CTIF: variants seen among roughly 807,000 people sequenced by gnomAD.
The protein encoded by CTIF is CBP80/20-dependent translation initiation factor.
In CTIF, 21 loss-of-function variants were observed where a neutral mutation model predicts 66.0. That is an observed-to-expected ratio of 0.32 (90% CI 0.23 to 0.46). The LOEUF (loss-of-function observed/expected upper bound fraction) is 0.46, where lower values mean the gene tolerates loss of function less well. Among genes scored for constraint, CTIF ranks in the 20% least tolerant of loss-of-function variants. The pLI is 1.00. For synonymous variants in CTIF, 345 were observed against 326.4 expected (o/e 1.06, Z -0.62); for missense variants, 739 against 812.7 (o/e 0.91, Z 1.10).
Position 48,613,474 on chromosome 18 carries a change from G to A in CTIF, c.-28-6064G>A, listed in dbSNP as rs909171595. Among the ~76,000 whole-genome samples, 4 of 152,286 alleles carry A rather than the reference G, an allele frequency of 2.6e-5. No homozygotes were observed. The East Asian group carries it at 5.8e-4, about 22-fold the overall frequency. ...GGATGGGGAGGAAGGGGAGGAAGGC[G>A]AAGGGGAGTTTGTTTGCGTCTAGGG... On this transcript the variant is annotated intron_variant, in intron 1 of 11. Transcript: ENST00000256413.
intron 10 of CTIF, among the ~76,000 whole-genome samples, chr18:48,820,397 C>A (rs2068457868): frequency 6.6e-6 from 1 of 152,174 alleles, no homozygotes; most frequent in South Asian, 2.1e-4. Flanking sequence ...GCTGCAGCCC[C>A]CTCCATGCTG....
intron 9 of CTIF, among the ~76,000 whole-genome samples, chr18:48,804,731 G>T (rs2068109362): frequency 6.6e-6 from 1 of 152,162 alleles, no homozygotes; most frequent in Middle Eastern, 3.2e-3. Flanking sequence ...TGTGTGAGAG[G>T]CAGGGTCCAT....
At chr18:48,555,906 A>C (rs1379947772) in intron 1 of CTIF, among the ~76,000 whole-genome samples, 2 of 152,170 alleles carry the variant, frequency 1.3e-5, no homozygotes, top group Admixed American at 1.3e-4. Flanking sequence ...GCTTTCAGGG[A>C]GCCTTCAGCC....
chr18:48,722,274 G>A (rs140139347), intron 7 of CTIF, among the ~76,000 whole-genome samples: 7 of 147,516 alleles, frequency 4.7e-5, no homozygotes, highest in Non-Finnish European at 8.9e-5. Context: ...GAGTTGCAGT[G>A]GCACAATTAT....
intron 6 of CTIF, among the ~76,000 whole-genome samples, chr18:48,676,933 G>A (rs960663863): frequency 2.0e-5 from 3 of 152,064 alleles, no homozygotes; most frequent in Admixed American, 6.5e-5. Context: ...AATGGTGGCC[G>A]ATAAGGAATG....
chr18:48,773,325 C>T (rs907790637), intron 9 of CTIF, among the ~76,000 whole-genome samples: 7 of 152,220 alleles, frequency 4.6e-5, no homozygotes, highest in African/African-American at 1.2e-4. Context: ...TAGGTAGCCA[C>T]GTGGTCTCTT....
At chr18:48,753,369 T>C (rs930258275) in intron 7 of CTIF, among the ~76,000 whole-genome samples, 1 of 152,166 alleles carries the variant, frequency 6.6e-6, no homozygotes, top group Non-Finnish European at 1.5e-5. Flanking sequence ...CAGAGGGACA[T>C]TTGTCTCCAT....
intron 10 of CTIF, among the ~76,000 whole-genome samples, chr18:48,846,594 GATGA>G (rs1214104492): frequency 4.1e-5 from 6 of 148,108 alleles, no homozygotes; most frequent in African/African-American, 1.5e-4. Flanking sequence ...TGGGTGGGTG[GATGA>G]ATGGATGGAT....
At chr18:48,844,218 G>A (rs1451697136) in intron 10 of CTIF, among the ~76,000 whole-genome samples, 2 of 152,204 alleles carry the variant, frequency 1.3e-5, no homozygotes, top group African/African-American at 4.8e-5. Context: ...GGGGAAGCTG[G>A]GAGGCACTGG....
At position 48,860,164 on chromosome 18, in the gene CTIF, C is replaced by T. The variant is rs1357319370; in HGVS notation, c.*605C>T. The T allele has an allele frequency of 4.7e-5, 17 of 358,806 alleles. No homozygotes were observed. The highest frequency in any genetic ancestry group is 2.0e-4 in the South Asian group (10 of 49,204). 22.2% of individuals were successfully genotyped at this position (358,806 alleles called of 1,614,324 possible). A position where few individuals can be genotyped will look rare whatever the true frequency, so the allele number is the denominator to read the frequency against. On this transcript the variant is annotated 3_prime_UTR_variant, in exon 12 of 12. Coordinates refer to ENST00000256413, the MANE Select transcript of CTIF (RefSeq NM_014772.3). ...CTCCACCTCCCACCTCCAAGTCCTC[C>T]TCACTGCAGCCCCCACAGCCTCAGG...
intron 5 of CTIF, among the ~76,000 whole-genome samples, chr18:48,668,075 G>A (rs991805741): frequency 3.9e-5 from 6 of 152,238 alleles, no homozygotes; most frequent in African/African-American, 1.2e-4. Flanking sequence ...GCCACCTTCA[G>A]CCCTCCAAAC....
In CTIF at chr18:48,761,720, GC is replaced by G. The variant is rs772891028; in HGVS notation, c.1371+36del. The G allele has an allele frequency of 3.2e-6, 5 of 1,582,814 alleles. No individual in the cohort carries two copies. In the South Asian group the frequency reaches 3.4e-5, roughly 11 times the overall value. ...TGGACGCCGGCCACCACCGCCCCGCGCCCCCTGCCCCTCTGCGTTCGGTGAG... is the reference window on the plus strand; with the variant it reads ...TGGACGCCGGCCACCACCGCCCCGCGCCCCTGCCCCTCTGCGTTCGGTGAG... On this transcript the variant is annotated intron_variant, in intron 9 of 11. Transcript: ENST00000256413. The surrounding 1 kb of genome is among the most constrained non-coding windows in gnomAD (Gnocchi z 4.2).
intron 6 of CTIF, among the ~76,000 whole-genome samples, chr18:48,695,996 G>A (rs16949816): frequency 0.094 from 14,330 of 152,252 alleles, 1,896 homozygotes; most frequent in African/African-American, 0.3. Flanking sequence ...AGGTATCCTA[G>A]GAGGAGCTAG....
rs1439721798 is a variant in CTIF, at chr18:48,669,074, C to T, written c.432-1595C>T. ...TTCCAGGGCGCCTCTGGCCATAGGA[C>T]TTTTATGACACCGATCTCGTGCTGC... On this transcript the variant is annotated intron_variant, in intron 5 of 11. Coordinates refer to ENST00000256413, the MANE Select transcript of CTIF (RefSeq NM_014772.3). Among the ~76,000 whole-genome samples, 5 of 152,166 alleles carry T rather than the reference C, an allele frequency of 3.3e-5. No individual in the cohort carries two copies. The South Asian group carries it at 6.2e-4, about 19-fold the overall frequency.
intron 6 of CTIF, among the ~76,000 whole-genome samples, chr18:48,705,241 G>A (rs927048824): frequency 7.2e-5 from 11 of 152,206 alleles, no homozygotes; most frequent in African/African-American, 2.7e-4. Context: ...GGCTCTAGGG[G>A]AGGAGCCTTC....
chr18:48,609,254 T>A (rs1187306792), intron 1 of CTIF, among the ~76,000 whole-genome samples: 1 of 152,042 alleles, frequency 6.6e-6, no homozygotes, highest in African/African-American at 2.4e-5. Context: ...TCTGCAGAGA[T>A]CTGGGGTTCA....
rs1255453495 is a variant in CTIF, at chr18:48,806,397, G to A, written c.1372-10824G>A. On this transcript the variant is annotated intron_variant, in intron 9 of 11. Transcript: ENST00000256413. ...CTTCCTGCTAGCAGTAAATAAAAGTGCACTTTCTCCTCCCCACTGGAGAGA... is the reference window on the plus strand; with the variant it reads ...CTTCCTGCTAGCAGTAAATAAAAGTACACTTTCTCCTCCCCACTGGAGAGA... 2.0e-5 allele frequency among the ~76,000 whole-genome samples: 3 copies of A among 152,250 alleles called. No individual in the cohort carries two copies. The East Asian group carries it at 5.8e-4, about 29-fold the overall frequency.
At chr18:48,804,400 G>C (rs1216469374) in intron 9 of CTIF, among the ~76,000 whole-genome samples, 1 of 152,196 alleles carries the variant, frequency 6.6e-6, no homozygotes, top group Non-Finnish European at 1.5e-5. Context: ...TCAGGGCCAG[G>C]CCTCAGGGCT....
intron 1 of CTIF, among the ~76,000 whole-genome samples, chr18:48,612,715 G>A (rs2090328905): frequency 6.6e-6 from 1 of 152,224 alleles, no homozygotes; most frequent in African/African-American, 2.4e-5. Flanking sequence ...CAGACTTGCT[G>A]TTCTGCTGGG....
Sources: allele counts gnomAD v4.1 joint callset (sites outside exome capture counted in the v4.1 genomes callset), GRCh38; gene constraint gnomAD v4.1.1; non-coding constraint Gnocchi (gnomAD v3.1); transcripts MANE v1.5; gene names NCBI Gene and HGNC (gene_info 2026-07-23, HGNC 2026-07-21).